Variants in REDIC1 observed in about 807,000 individuals in gnomAD.
REDIC1 encodes the protein HEI10 Interacting Protein 1.
At chr12:39,820,702 C>A in the REDIC1 span, among the ~76,000 whole-genome samples, 1 of 68,774 alleles carries the variant, frequency 1.5e-5, no homozygotes, top group African/African-American at 6.0e-5. Flanking sequence ...TAATCTTCGG[C>A]TTAAATTTTT....
the REDIC1 span, among the ~76,000 whole-genome samples, chr12:39,861,979 G>A: frequency 5.9e-5 from 9 of 152,148 alleles, no homozygotes; most frequent in African/African-American, 1.9e-4. Flanking sequence ...CCATCACCTA[G>A]GTATTAAGCC....
chr12:39,750,705 A>G, the REDIC1 span, among the ~76,000 whole-genome samples: 2 of 152,236 alleles, frequency 1.3e-5, no homozygotes. Flanking sequence ...TACTGGTACC[A>G]ACGCAGAGAT....
chr12:39,812,277 T>C, the REDIC1 span, among the ~76,000 whole-genome samples: 432 of 152,252 alleles, frequency 2.8e-3, 2 homozygotes, highest in African/African-American at 9.8e-3. Context: ...TCCACCCTCA[T>C]GACCTAATCA....
At chr12:39,634,973 A>G in the REDIC1 span, among the ~76,000 whole-genome samples, 3 of 152,242 alleles carry the variant, frequency 2.0e-5, no homozygotes, top group African/African-American at 7.2e-5. Flanking sequence ...AAGTGGGCAA[A>G]GGATATGAAC....
chr12:39,901,092 G>A, the REDIC1 span, among the ~76,000 whole-genome samples: 2 of 152,104 alleles, frequency 1.3e-5, no homozygotes, highest in Admixed American at 6.6e-5. Context: ...ATGGGGAAAG[G>A]ATTCCCTATT....
At chr12:39,710,440 C>T in the REDIC1 span, among the ~76,000 whole-genome samples, 2 of 151,464 alleles carry the variant, frequency 1.3e-5, no homozygotes, top group Admixed American at 1.3e-4. Flanking sequence ...TCACTTCATA[C>T]CTAGATTATT....
the REDIC1 span, among the ~76,000 whole-genome samples, chr12:39,812,495 T>C: frequency 9.2e-5 from 14 of 151,774 alleles, no homozygotes; most frequent in Admixed American, 5.9e-4. Context: ...TTTTGTGAGA[T>C]AGATGCTTGC....
At chr12:39,668,021 A>G in the REDIC1 span, among the ~76,000 whole-genome samples, 496 of 151,964 alleles carry the variant, frequency 3.3e-3, 2 homozygotes, top group Non-Finnish European at 4.2e-3. Flanking sequence ...TCTTTATCCA[A>G]TTTTCCACTC....
chr12:39,791,035 T>C, the REDIC1 span, among the ~76,000 whole-genome samples: 5 of 122,860 alleles, frequency 4.1e-5, no homozygotes, highest in East Asian at 1.3e-3. Context: ...GAAGTGTCTG[T>C]TCATGTCCTT....
At chr12:39,690,386 G>T in the REDIC1 span, among the ~76,000 whole-genome samples, 1 of 152,054 alleles carries the variant, frequency 6.6e-6, no homozygotes, top group Non-Finnish European at 1.5e-5. Context: ...GTTAACATGG[G>T]AACGTATTCA....
chr12:39,812,337 TTTTTCTTTTCTTTTC>T, the REDIC1 span, among the ~76,000 whole-genome samples: 5,876 of 135,240 alleles, frequency 0.043, 150 homozygotes, highest in African/African-American at 0.072. Context: ...ACTAATTTCT[TTTTTCTTTTCTTTTC>T]TTTTCTTTTC....
chr12:39,843,650 T>G, the REDIC1 span, among the ~76,000 whole-genome samples: 4 of 152,202 alleles, frequency 2.6e-5, no homozygotes, highest in South Asian at 8.3e-4. Flanking sequence ...TTATTGCTAG[T>G]GCTCAACTCT....
chr12:39,871,828 G>A, the REDIC1 span: 269 of 1,609,584 alleles, frequency 1.7e-4, no homozygotes, highest in Non-Finnish European at 2.2e-4. Flanking sequence ...AGCTTTCTGC[G>A]GCCCACCTTC....
chr12:39,650,490 A>G, the REDIC1 span: 5 of 1,143,554 alleles, frequency 4.4e-6, no homozygotes, highest in African/African-American at 4.9e-5. The surrounding 1 kb of genome is among the most constrained non-coding windows in gnomAD (Gnocchi z 4.3). Flanking sequence ...AAAAAAATTC[A>G]AAAAGTAAAA....
the REDIC1 span, among the ~76,000 whole-genome samples, chr12:39,735,405 T>C: frequency 1.3e-5 from 2 of 152,048 alleles, no homozygotes; most frequent in Non-Finnish European, 2.9e-5. Context: ...AAAATAGAAA[T>C]AGAAAATAGG....
chr12:39,640,033 T>C, the REDIC1 span, among the ~76,000 whole-genome samples: 1 of 151,604 alleles, frequency 6.6e-6, no homozygotes, highest in South Asian at 2.1e-4. Flanking sequence ...GGATTATAGA[T>C]ACAAAGCACA....
chr12:39,828,266 C>CT, the REDIC1 span, among the ~76,000 whole-genome samples: 1 of 151,608 alleles, frequency 6.6e-6, no homozygotes, highest in Non-Finnish European at 1.5e-5. Context: ...TTTTTTCTTT[C>CT]TTTTTTTGTA....
chr12:39,820,227 C>G, the REDIC1 span, among the ~76,000 whole-genome samples: 2 of 152,010 alleles, frequency 1.3e-5, no homozygotes, highest in Non-Finnish European at 2.9e-5. Flanking sequence ...AATAAACTTC[C>G]TAGATAAAAT....
the REDIC1 span, among the ~76,000 whole-genome samples, chr12:39,874,483 C>T: frequency 7.9e-5 from 12 of 151,806 alleles, no homozygotes; most frequent in East Asian, 1.9e-4. Flanking sequence ...GGCATGGTAG[C>T]GGGCACCTGT....
Sources: gnomAD v4.1 joint callset for allele counts (sites outside exome capture counted in the v4.1 genomes callset) on GRCh38, gnomAD v4.1.1 for gene constraint, Gnocchi (gnomAD v3.1) non-coding constraint, MANE v1.5 for transcripts, NCBI Gene and HGNC (gene_info 2026-07-23, HGNC 2026-07-21) for gene names.